KPNB1: variants seen among roughly 807,000 people sequenced by gnomAD.
The protein encoded by KPNB1 is importin subunit beta-1.
Under a neutral mutation model 113.0 loss-of-function variants are expected in KPNB1, and 7 were observed. The observed-to-expected ratio is 0.06, with a 90% CI of 0.04 to 0.12. The LOEUF (loss-of-function observed/expected upper bound fraction) is 0.12. Among genes scored for constraint, KPNB1 ranks in the 10% least tolerant of loss-of-function variants. The pLI, the probability that KPNB1 is intolerant of heterozygous loss-of-function variation, is 1.00. For missense variants in KPNB1, 400 were observed against 1,054.8 expected (o/e 0.38, Z 8.60); for synonymous variants, 363 against 378.6 (o/e 0.96, Z 0.48).
chr17:47,661,458 T>G (rs2030092713), intron 6 of KPNB1, among the ~76,000 whole-genome samples: 1 of 151,862 alleles, frequency 6.6e-6, no homozygotes, highest in Non-Finnish European at 1.5e-5. Flanking sequence ...AAAAATTAGC[T>G]GGGTGTGGTG....
chr17:47,680,795 G>A (rs1427492275), intron 21 of KPNB1, 126 bp downstream of exon 21: 5 of 895,980 alleles, frequency 5.6e-6, no homozygotes, highest in Non-Finnish European at 8.4e-6. Context: ...TCCCATGTAG[G>A]TGCTTCTGAG....
At chr17:47,656,492 G>A (rs866875164) in intron 3 of KPNB1, among the ~76,000 whole-genome samples, 3 of 151,722 alleles carry the variant, frequency 2.0e-5, no homozygotes, top group Non-Finnish European at 4.4e-5. Context: ...TTGCACTATC[G>A]TTTTGCTACT....
In KPNB1 at chr17:47,661,185, G is replaced by A; in HGVS notation, c.696+7G>A. 6.2e-7 allele frequency: 1 copy of A among 1,607,588 alleles called. No individual in the cohort carries two copies. The highest frequency in any genetic ancestry group is 8.5e-7 in the Non-Finnish European group (1 of 1,174,040). On this transcript the variant is annotated splice_region_variant and intron_variant, in intron 6 of 21. Coordinates refer to ENST00000290158, the MANE Select transcript of KPNB1 (RefSeq NM_002265.6). The stretch of plus-strand genomic sequence containing the variant: ...ACAGTGTCCAGATACGAGGGTAAGT[G>A]TGAGGTTATATGAAAAATCTGTCTT...
intron 17 of KPNB1, 60 bp from the exon 18 acceptor site, chr17:47,677,986 A>T: frequency 6.6e-7 from 1 of 1,513,032 alleles, no homozygotes; most frequent in Non-Finnish European, 9.1e-7. Flanking sequence ...TGAAATTTTC[A>T]TGAATCTTTG....
chr17:47,662,998 T>C, intron 6 of KPNB1, 91 bp from the exon 7 acceptor site: 1 of 776,680 alleles, frequency 1.3e-6, no homozygotes, highest in Non-Finnish European at 2.4e-6. Flanking sequence ...CCTCAATTAA[T>C]CCTTAGGATT....
At chr17:47,674,880 G>A (rs1360346071) in intron 15 of KPNB1, 98 bp downstream of exon 15, 4 of 1,262,984 alleles carry the variant, frequency 3.2e-6, no homozygotes, top group Non-Finnish European at 4.4e-6. Flanking sequence ...GCAGTGGCAC[G>A]ATCTTGGCGC....
chr17:47,671,460 A>G (rs1004350352), intron 12 of KPNB1, among the ~76,000 whole-genome samples: 1 of 152,204 alleles, frequency 6.6e-6, no homozygotes, highest in Admixed American at 6.5e-5. Flanking sequence ...TTTGGTTACA[A>G]GAGAAATGAT....
At position 47,684,012 on chromosome 17, in the gene KPNB1, T is replaced by C. The variant is rs1331932099; in HGVS notation, c.*1608T>C. On this transcript the variant is annotated 3_prime_UTR_variant, in exon 22 of 22. Transcript: ENST00000290158. ...TTGGTGAGCTTTGATCCTCTTTTGG[T>C]TTTGCAGTTGTTAGGAGTTTTTGCT... 1 of 152,184 alleles carries C rather than the reference T, an allele frequency of 6.6e-6. No individual in the cohort carries two copies. The highest frequency in any genetic ancestry group is 2.4e-5 in the African/African-American group (1 of 41,446). The allele number at this position is 152,184 out of a possible 1,614,324, so 9.4% of individuals were successfully genotyped here. A position where few individuals can be genotyped will look rare whatever the true frequency, so the allele number is the denominator to read the frequency against.
intron 13 of KPNB1, 80 bp downstream of exon 13, chr17:47,673,245 C>A: frequency 7.3e-7 from 1 of 1,361,046 alleles, no homozygotes; most frequent in Non-Finnish European, 1.0e-6. Context: ...CCAGACTGTT[C>A]TGTCTTTTTA....
rs2030821456 is a variant in KPNB1 at position 47,682,716 on chromosome 17, AGGCTAGAAGTAGCTTTTCT to A, written c.*314_*332del. The A allele has an allele frequency of 2.6e-6, 1 of 390,234 alleles. No individual in the cohort carries two copies. The highest frequency in any genetic ancestry group is 2.1e-5 in the African/African-American group (1 of 47,824). 24.2% of individuals were successfully genotyped at this position (390,234 alleles called of 1,614,324 possible). On this transcript the variant is annotated 3_prime_UTR_variant, in exon 22 of 22. Transcript: ENST00000290158. ...AAAGAAAGTTATCTCTTCCCAGGAGAGGCTAGAAGTAGCTTTTCTGTCTTTTGGCCAGTGCCGAGTGGAA... is the reference window on the plus strand; with the variant it reads ...AAAGAAAGTTATCTCTTCCCAGGAGAGTCTTTTGGCCAGTGCCGAGTGGAA...
rs940030202 is a variant in KPNB1, at chr17:47,684,797, G to A, written c.*2393G>A. Reference sequence around the variant, plus strand: ...TGGGCTGGTTGGATGTGGTCTTGGTGCCTTGCAGTTACTCTGCACTGGTTA... The same window carrying A: ...TGGGCTGGTTGGATGTGGTCTTGGTACCTTGCAGTTACTCTGCACTGGTTA... On this transcript the variant is annotated 3_prime_UTR_variant, in exon 22 of 22. Transcript: ENST00000290158. 1 of 152,754 alleles carries A rather than the reference G, an allele frequency of 6.5e-6. No homozygotes were observed. Among genetic ancestry groups the A allele is most frequent in the Non-Finnish European group, 1.5e-5 (1 of 68,096 alleles). The allele number at this position is 152,754 out of a possible 1,614,324, so 9.5% of individuals were successfully genotyped here. A position where few individuals can be genotyped will look rare whatever the true frequency, so the allele number is the denominator to read the frequency against.
chr17:47,659,192 C>CA, intron 5 of KPNB1, among the ~76,000 whole-genome samples: 1 of 151,668 alleles, frequency 6.6e-6, no homozygotes, highest in Non-Finnish European at 1.5e-5. Context: ...ACTAAAAATA[C>CA]AAAAAAATTA....
At chr17:47,678,213 G>C in intron 18 of KPNB1, 24 bp downstream of exon 18, 1 of 1,613,772 alleles carries the variant, frequency 6.2e-7, no homozygotes, top group Non-Finnish European at 8.5e-7. Flanking sequence ...TATCTTGGCT[G>C]TTCTTTAAGT....
chr17:47,672,967 T>C, intron 12 of KPNB1, 51 bp from the exon 13 acceptor site: 1 of 1,571,652 alleles, frequency 6.4e-7, no homozygotes. Flanking sequence ...TCTATGTTCT[T>C]CCCTGTCCTT....
rs565383491 is a variant in KPNB1 at position 47,685,083 on chromosome 17, G to A, written c.*2679G>A. The A allele has an allele frequency of 6.6e-6, 1 of 152,262 alleles. No individual in the cohort carries two copies. Among genetic ancestry groups the A allele is most frequent in the African/African-American group, 2.4e-5 (1 of 41,556 alleles). 9.4% of individuals were successfully genotyped at this position (152,262 alleles called of 1,614,324 possible). On this transcript the variant is annotated 3_prime_UTR_variant, in exon 22 of 22. Coordinates refer to ENST00000290158, the MANE Select transcript of KPNB1 (RefSeq NM_002265.6). The stretch of plus-strand genomic sequence containing the variant: ...CTTTGGTTTGCCACAAGTGGCAGCT[G>A]CCTGTATCAATTACATTTATTAATT...
intron 5 of KPNB1, among the ~76,000 whole-genome samples, chr17:47,659,907 A>T (rs116977278): frequency 0.023 from 3,423 of 151,488 alleles, 108 homozygotes; most frequent in Admixed American, 0.064. Context: ...CCAAAAAAAA[A>T]AAATATATAT....
At chr17:47,667,142 G>C (rs185947461) in intron 9 of KPNB1, among the ~76,000 whole-genome samples, 255 of 151,042 alleles carry the variant, frequency 1.7e-3, no homozygotes, top group Non-Finnish European at 2.8e-3. Context: ...GTGGCGTTGG[G>C]GGGTACAGAG....
Position 47,658,656 on chromosome 17 carries a change from A to G in KPNB1, c.632A>G (p.Lys211Arg). Residue 211 changes from lysine to arginine, a missense_variant, in exon 5 of 22, where the codon AAA becomes AGA. By Grantham distance (26) the Lys-to-Arg change is conservative. Transcript: ENST00000290158. ...GAGTTCACCAAAGCAAACTTTGATA[A>G]AGAGGTAAGTTTTTTGACAATAAGG... ...SLEFTKANFD[K>R]ESERHFIMQV... 1 of 1,612,700 alleles carries G rather than the reference A, an allele frequency of 6.2e-7. No homozygotes were observed. The highest frequency in any genetic ancestry group is 8.5e-7 in the Non-Finnish European group (1 of 1,179,454).
chr17:47,679,799 C>A, intron 19 of KPNB1: 1 of 387,546 alleles, frequency 2.6e-6, no homozygotes, highest in South Asian at 2.7e-5. Flanking sequence ...TGGGTTCACG[C>A]CATTTTCCTA....
Sources: gnomAD v4.1 joint callset for allele counts (sites outside exome capture counted in the v4.1 genomes callset) on GRCh38, gnomAD v4.1.1 for gene constraint, MANE v1.5 for transcripts, NCBI Gene and HGNC (gene_info 2026-07-23, HGNC 2026-07-21) for gene names.